Variants in DDX21 observed in about 807,000 individuals in gnomAD.
DDX21 encodes the protein nucleolar RNA helicase 2.
DDX21 carries 18 observed loss-of-function variants against 90.0 expected under a neutral mutation model. That is an observed-to-expected ratio of 0.20 (90% CI 0.14 to 0.30). DDX21 has a LOEUF of 0.30. Among genes scored for constraint, DDX21 ranks in the 10% least tolerant of loss-of-function variants. DDX21 has a pLI of 1.00. For synonymous variants in DDX21, 294 were observed against 318.0 expected (o/e 0.92, Z 0.80); for missense variants, 673 against 944.5 (o/e 0.71, Z 3.77).
At chr10:68,977,730 G>C in intron 12 of DDX21, 42 bp downstream of exon 12, 1 of 1,563,576 alleles carries the variant, frequency 6.4e-7, no homozygotes, top group East Asian at 2.3e-5. Flanking sequence ...ATAATTTGGG[G>C]TATGAGCAGG....
chr10:68,977,763 C>A, intron 12 of DDX21, 75 bp downstream of exon 12: 2 of 1,415,290 alleles, frequency 1.4e-6, no homozygotes, highest in Non-Finnish European at 1.9e-6. Context: ...TTCATTTAAG[C>A]TTCCCAGTTG....
At chr10:68,981,294 T>G (rs1302484458) in intron 13 of DDX21, among the ~76,000 whole-genome samples, 1 of 152,218 alleles carries the variant, frequency 6.6e-6, no homozygotes, top group Non-Finnish European at 1.5e-5. Flanking sequence ...TAAGACTCTG[T>G]CTATAGTTAG....
intron 10 of DDX21, among the ~76,000 whole-genome samples, chr10:68,973,927 GA>G (rs773995932): frequency 1.1e-3 from 170 of 152,294 alleles, no homozygotes; most frequent in Middle Eastern, 3.4e-3. Context: ...AATTAAGATT[GA>G]GGGGCTGTAG....
At chr10:68,972,827 C>T (rs1004964985) in intron 9 of DDX21, among the ~76,000 whole-genome samples, 1 of 151,968 alleles carries the variant, frequency 6.6e-6, no homozygotes, top group Non-Finnish European at 1.5e-5. Flanking sequence ...TGAAGACTTA[C>T]GAAAAAATAC....
intron 13 of DDX21, among the ~76,000 whole-genome samples, chr10:68,979,645 T>C (rs1239464895): frequency 6.6e-6 from 1 of 152,216 alleles, no homozygotes; most frequent in Non-Finnish European, 1.5e-5. Flanking sequence ...GAAAATAATT[T>C]TGACTTGGCG....
In DDX21 at chr10:68,973,744, T is replaced by C; in HGVS notation, c.1668+80T>C. ...TGGTTTCTTCAATTTTTATCCACTT[T>C]AAAATATTTTTATTTCTAGTGTGTG... On this transcript the variant is annotated intron_variant, in intron 10 of 14. Transcript: ENST00000354185. The C allele has an allele frequency of 2.0e-6, 3 of 1,516,476 alleles. No homozygotes were observed. In the South Asian group the frequency reaches 3.9e-5, roughly 20 times the overall value. 93.9% of individuals were successfully genotyped at this position (1,516,476 alleles called of 1,614,324 possible).
At chr10:68,975,254 A>T (rs984427808) in intron 11 of DDX21, among the ~76,000 whole-genome samples, 1 of 152,206 alleles carries the variant, frequency 6.6e-6, no homozygotes, top group Non-Finnish European at 1.5e-5. Context: ...CTTCGTTAAT[A>T]GTAAATGTCT....
intron 1 of DDX21, among the ~76,000 whole-genome samples, chr10:68,958,764 G>A (rs907577461): frequency 4.6e-5 from 7 of 152,004 alleles, no homozygotes; most frequent in African/African-American, 1.5e-4. Flanking sequence ...CAATAGAGAC[G>A]GGGTCTCGCT....
chr10:68,966,888 T>C (rs1842946579), intron 5 of DDX21, 130 bp from the exon 6 acceptor site: 4 of 611,568 alleles, frequency 6.5e-6, no homozygotes, highest in Non-Finnish European at 1.0e-5. Flanking sequence ...TCATTATTAC[T>C]TAGCATATTA....
intron 1 of DDX21, 149 bp downstream of exon 1, chr10:68,956,461 C>A: frequency 1.4e-6 from 2 of 1,474,010 alleles, no homozygotes; most frequent in Non-Finnish European, 1.8e-6. Context: ...GGCGGTCGCC[C>A]AGGAGTGGTG....
chr10:68,983,726 A>T lies in DDX21; in HGVS notation c.*914A>T, dbSNP rs1843229102. 6.6e-6 allele frequency: 1 copy of T among 151,716 alleles called. No individual in the cohort carries two copies. Among genetic ancestry groups the T allele is most frequent in the Non-Finnish European group, 1.5e-5 (1 of 67,928 alleles). The allele number at this position is 151,716 out of a possible 1,614,324, so 9.4% of individuals were successfully genotyped here. ...AAAAAAAAAAAAAAAAAAAGAACCA[A>T]ACCACTGGAAATAATCAAATGCAAA... On this transcript the variant is annotated 3_prime_UTR_variant, in exon 15 of 15. Transcript: ENST00000354185.
intron 2 of DDX21, 53 bp from the exon 3 acceptor site, chr10:68,962,027 CTA>C: frequency 7.4e-7 from 1 of 1,351,678 alleles, no homozygotes; most frequent in Non-Finnish European, 1.0e-6. Context: ...AGAAGGTTCT[CTA>C]TTAATTTGTG....
intron 13 of DDX21, 104 bp downstream of exon 13, chr10:68,979,080 C>T (rs957486419): frequency 4.1e-6 from 6 of 1,474,770 alleles, no homozygotes; most frequent in Non-Finnish European, 5.5e-6. Flanking sequence ...CATCTCTTCA[C>T]TCTCTCATCT....
At chr10:68,977,504 C>T (rs1179938842) in intron 11 of DDX21, 25 bp from the exon 12 acceptor site, 1 of 1,579,492 alleles carries the variant, frequency 6.3e-7, no homozygotes, top group African/African-American at 1.4e-5. Context: ...AGTATCCTTT[C>T]TCCTAACACA....
intron 9 of DDX21, among the ~76,000 whole-genome samples, chr10:68,973,054 G>C (rs558390663): frequency 6.6e-6 from 1 of 152,158 alleles, no homozygotes; most frequent in East Asian, 1.9e-4. Flanking sequence ...AATTAGCCAG[G>C]CCTGGTGTCA....
Position 68,982,466 on chromosome 10 carries a change from A to C in DDX21, c.2083-77A>C, listed in dbSNP as rs1439905238. 3 of 1,524,598 alleles carry C rather than the reference A, an allele frequency of 2.0e-6. No homozygotes were observed. The African/African-American group carries it at 4.2e-5, about 21-fold the overall frequency. The allele number at this position is 1,524,598 out of a possible 1,614,324, so 94.4% of individuals were successfully genotyped here. ...TCACCTTTTCTTTGAAGAAGTGGCA[A>C]ATATTTTGTTTTTCTCATGCTTTTT... On this transcript the variant is annotated intron_variant, in intron 14 of 14. Coordinates refer to ENST00000354185, the MANE Select transcript of DDX21 (RefSeq NM_004728.4).
At chr10:68,963,183 T>C (rs5030897) in intron 3 of DDX21, 108 bp from the exon 4 acceptor site, 728,217 of 1,128,212 alleles carry the variant, frequency 0.65, 237,587 homozygotes, top group East Asian at 0.85. Context: ...GAAGGTAGAA[T>C]TCCTTAATTC....
At chr10:68,979,068 T>C in intron 13 of DDX21, 92 bp downstream of exon 13, 1 of 1,530,518 alleles carries the variant, frequency 6.5e-7, no homozygotes, top group African/African-American at 1.4e-5. Flanking sequence ...GTGGGGATGC[T>C]GCATCTCTTC....
At chr10:68,956,677 G>C (rs1842800676) in intron 1 of DDX21, 3 of 1,078,452 alleles carry the variant, frequency 2.8e-6, no homozygotes, top group Non-Finnish European at 3.4e-6. Context: ...CCTTCAGTCA[G>C]GCTCCACGTT....
Sources: allele counts gnomAD v4.1 joint callset (sites outside exome capture counted in the v4.1 genomes callset), GRCh38; gene constraint gnomAD v4.1.1; transcripts MANE v1.5; gene names NCBI Gene and HGNC (gene_info 2026-07-23, HGNC 2026-07-21).